The following UBE3D variants were observed in gnomAD, a reference collection of about 807,000 sequenced individuals.
UBE3D encodes ubiquitin protein ligase E3D, also known as E3 ubiquitin-protein ligase E3D.
UBE3D carries 48 observed loss-of-function variants against 49.6 expected under a neutral mutation model. The ratio of observed to expected loss-of-function variants is 0.97; its 90% CI spans 0.77 to 1.23. UBE3D has a LOEUF of 1.23. UBE3D is among the 50% of genes most tolerant of loss of function. The pLI is 0.00. For synonymous variants in UBE3D, 189 were observed against 174.2 expected (o/e 1.08, Z -0.67); for missense variants, 452 against 468.4 (o/e 0.96, Z 0.32).
rs569623259 is a variant in UBE3D at position 82,925,449 on chromosome 6, C to T, written c.1149+31863G>A. The stretch of plus-strand genomic sequence containing the variant: ...TTCCTGTGAAGCCAGGACAGCAGCA[C>T]GTGATGAGACTCTATGATTAGACAC... On this transcript the variant is annotated intron_variant, in intron 9 of 9. Transcript: ENST00000369747. 1.1e-4 allele frequency among the ~76,000 whole-genome samples: 16 copies of T among 152,214 alleles called. No homozygotes were observed. In the East Asian group the frequency reaches 2.7e-3, roughly 26 times the overall value.
At chr6:82,939,486 G>A (rs1379057795) in intron 9 of UBE3D, among the ~76,000 whole-genome samples, 3 of 152,170 alleles carry the variant, frequency 2.0e-5, no homozygotes, top group African/African-American at 7.2e-5. Flanking sequence ...TGCCCTATAT[G>A]AGTACACCAC....
chr6:83,024,156 T>C (rs1781290616), intron 5 of UBE3D, 118 bp from the exon 6 acceptor site: 1 of 515,624 alleles, frequency 1.9e-6, no homozygotes, highest in East Asian at 3.5e-5. Context: ...GTAAAATTAA[T>C]ATTCTGTAAA....
intron 5 of UBE3D, among the ~76,000 whole-genome samples, chr6:83,027,434 C>CAAAAAAAAAAAAAAA (rs61225462): frequency 0.054 from 1,861 of 34,592 alleles, 554 homozygotes; most frequent in Non-Finnish European, 0.071. Flanking sequence ...GACTCCGTCT[C>CAAAAAAAAAAAAAAA]AAAAAAAAAA....
intron 6 of UBE3D, 145 bp downstream of exon 6, chr6:83,023,824 A>T (rs1171427494): frequency 1.8e-6 from 1 of 545,914 alleles, no homozygotes; most frequent in East Asian, 3.4e-5. Flanking sequence ...CTCAGAAATT[A>T]TCACTATTCA....
chr6:82,959,162 T>G (rs1324234120), intron 8 of UBE3D, among the ~76,000 whole-genome samples: 4 of 152,070 alleles, frequency 2.6e-5, no homozygotes, highest in African/African-American at 2.4e-5. Flanking sequence ...TAATTTTTTT[T>G]TTTTTAGAAA....
intron 8 of UBE3D, among the ~76,000 whole-genome samples, chr6:82,977,457 A>G (rs1163007195): frequency 6.6e-6 from 1 of 152,192 alleles, no homozygotes; most frequent in Non-Finnish European, 1.5e-5. Context: ...TGTACTGGAT[A>G]CAACAAAACT....
Position 83,038,458 on chromosome 6 carries a change from A to C in UBE3D, c.625T>G (p.Cys209Gly). ...CCCAACATTACCTTGCAACGCTTAC[A>C]AATTACTTTGGTATTTGCCTTTGGT... ...LEPKANTKVI[C>G]KRCKVMLGET... The change falls in exon 5 of 10, where the codon TGT becomes GGT. Residue 209 changes from cysteine to glycine, a missense_variant. By Grantham distance (159) the Cys-to-Gly change is radical. Transcript: ENST00000369747. 1 of 1,611,496 alleles carries C rather than the reference A, an allele frequency of 6.2e-7. No individual in the cohort carries two copies. The highest frequency in any genetic ancestry group is 8.5e-7 in the Non-Finnish European group (1 of 1,179,388).
intron 3 of UBE3D, 84 bp downstream of exon 3, chr6:83,054,064 T>C: frequency 1.7e-6 from 2 of 1,182,080 alleles, no homozygotes; most frequent in East Asian, 2.4e-5. Context: ...ACTACTCCAT[T>C]GGCAATTACT....
chr6:82,996,508 A>G (rs1779251397), intron 8 of UBE3D, among the ~76,000 whole-genome samples: 1 of 152,222 alleles, frequency 6.6e-6, no homozygotes, highest in African/African-American at 2.4e-5. Flanking sequence ...TCCAGGAGAT[A>G]GAGCTTATCA....
chr6:82,958,026 CAGG>C (rs1259082345), intron 8 of UBE3D, among the ~76,000 whole-genome samples: 2 of 152,154 alleles, frequency 1.3e-5, no homozygotes, highest in African/African-American at 2.4e-5. Context: ...GAAAGGTTGG[CAGG>C]AGGCCTCCCT....
intron 5 of UBE3D, chr6:83,037,320 A>G (rs1395834621): frequency 6.6e-6 from 1 of 152,126 alleles, no homozygotes. Flanking sequence ...TGTTTATGTC[A>G]TTGTCATCTC....
At chr6:83,003,642 C>T (rs1253909992) in intron 8 of UBE3D, among the ~76,000 whole-genome samples, 2 of 152,168 alleles carry the variant, frequency 1.3e-5, no homozygotes, top group Non-Finnish European at 2.9e-5. Flanking sequence ...TCCTAGGCTA[C>T]AGACCCATAG....
At chr6:82,957,570 A>T in intron 8 of UBE3D, 120 bp from the exon 9 acceptor site, 1 of 1,173,144 alleles carries the variant, frequency 8.5e-7, no homozygotes. Context: ...AACTAGAAAT[A>T]AACTATATTA....
chr6:82,938,506 G>C (rs1238819130), intron 9 of UBE3D: 3 of 152,156 alleles, frequency 2.0e-5, no homozygotes, highest in Non-Finnish European at 4.4e-5. Context: ...AGGGTAAAGA[G>C]AGAAGGAAAA....
chr6:83,005,531 T>G (rs1779915185), intron 8 of UBE3D, among the ~76,000 whole-genome samples: 1 of 151,766 alleles, frequency 6.6e-6, no homozygotes, highest in Non-Finnish European at 1.5e-5. Flanking sequence ...GCACATAATC[T>G]CAGCATTTTG....
At chr6:82,955,680 TG>T (rs1215415181) in intron 9 of UBE3D, among the ~76,000 whole-genome samples, 1 of 152,194 alleles carries the variant, frequency 6.6e-6, no homozygotes, top group African/African-American at 2.4e-5. Flanking sequence ...GGGGAGGCTG[TG>T]GACATTCCAA....
chr6:83,004,130 C>T (rs1341401535), intron 8 of UBE3D, among the ~76,000 whole-genome samples: 3 of 152,160 alleles, frequency 2.0e-5, no homozygotes, highest in Admixed American at 6.5e-5. Context: ...TATGAACATA[C>T]TGTAAATCAG....
chr6:82,966,941 A>C (rs1776980105), intron 8 of UBE3D, among the ~76,000 whole-genome samples: 1 of 152,204 alleles, frequency 6.6e-6, no homozygotes, highest in Non-Finnish European at 1.5e-5. Flanking sequence ...TTTACTTGCA[A>C]ACAAAATGTG....
downstream of UBE3D, among the ~76,000 whole-genome samples, chr6:82,891,099 G>C (rs1770970881): frequency 6.6e-6 from 1 of 152,216 alleles, no homozygotes; most frequent in South Asian, 2.1e-4. Flanking sequence ...GCCAGAAAAA[G>C]ATTCAGATTT....
Sources: gnomAD v4.1 joint callset for allele counts (sites outside exome capture counted in the v4.1 genomes callset) on GRCh38, gnomAD v4.1.1 for gene constraint, MANE v1.5 for transcripts, NCBI Gene and HGNC (gene_info 2026-07-23, HGNC 2026-07-21) for gene names.